CPSF3: variants seen among roughly 807,000 people sequenced by gnomAD.
CPSF3 encodes cleavage and polyadenylation specific factor 3.
In CPSF3, 57 loss-of-function variants were observed where a neutral mutation model predicts 84.1. The ratio of observed to expected loss-of-function variants is 0.68; its 90% CI spans 0.55 to 0.85. The LOEUF is 0.85. Ranked by LOEUF, CPSF3 falls within the 40% of genes least tolerant of loss-of-function variation. CPSF3 has a pLI of 0.00. For missense variants in CPSF3, 522 were observed against 838.8 expected (o/e 0.62, Z 4.66); for synonymous variants, 275 against 278.1 (o/e 0.99, Z 0.11).
intron 14 of CPSF3, 85 bp from the exon 15 acceptor site, chr2:9,459,446 C>G (rs1681646402): frequency 1.2e-6 from 1 of 811,284 alleles, no homozygotes; most frequent in African/African-American, 1.7e-5. Context: ...TATGTACAGT[C>G]CATGGTTTGG....
intron 10 of CPSF3, among the ~76,000 whole-genome samples, chr2:9,444,664 GTT>G (rs1165114643): frequency 2.4e-4 from 7 of 28,926 alleles, no homozygotes; most frequent in African/African-American, 2.4e-3. Flanking sequence ...TTTTTGGTTT[GTT>G]TGTTTGTTTG....
At chr2:9,438,721 T>C (rs188530154) in intron 7 of CPSF3, among the ~76,000 whole-genome samples, 1 of 152,038 alleles carries the variant, frequency 6.6e-6, no homozygotes, top group African/African-American at 2.4e-5. Flanking sequence ...GTCTCGTTAG[T>C]ATATATTCTT....
At chr2:9,466,362 ACGCACACACCCACGCACTCGCACACACG>A (rs1558466614) in intron 15 of CPSF3, among the ~76,000 whole-genome samples, 9 of 144,116 alleles carry the variant, frequency 6.2e-5, no homozygotes, top group Non-Finnish European at 1.1e-4. Flanking sequence ...GCACACACAC[ACGCACACACCCACGCACTCGCACACACG>A]CGCACACACA....
At chr2:9,423,888 A>T in intron 1 of CPSF3, 65 bp downstream of exon 1, 1 of 1,590,518 alleles carries the variant, frequency 6.3e-7, no homozygotes, top group South Asian at 1.1e-5. Flanking sequence ...GTAACCGGAG[A>T]CTGGCCTCCT....
rs768618090 is a variant in CPSF3, at chr2:9,459,618, G to A, written c.1786G>A (p.Gly596Ser). 4.3e-6 allele frequency: 4 copies of A among 938,396 alleles called. No individual in the cohort carries two copies. In the Admixed American group the frequency reaches 7.0e-5, roughly 16 times the overall value. 58.1% of individuals were successfully genotyped at this position (938,396 alleles called of 1,614,324 possible). ...EVQSNPKIRK[G>S]AVQKVSKKLE... ...TCAGTCAAATCCCAAAATAAGAAAA[G>A]GTAAGAGTTCATTTTTATCCTTTTT... Residue 596 changes from glycine to serine, a missense_variant and splice_region_variant, in exon 15 of 18, where the codon GGT becomes AGT. Physicochemically the swap from Gly to Ser is moderately conservative, Grantham distance 56. Around this residue, in one of 2 missense-constraint regions of CPSF3, gnomAD observed 193 missense variants for 231.6 expected, o/e 0.83. Transcript: ENST00000238112.
chr2:9,437,237 C>G (rs1680815531), intron 7 of CPSF3, among the ~76,000 whole-genome samples: 1 of 152,054 alleles, frequency 6.6e-6, no homozygotes, highest in Non-Finnish European at 1.5e-5. Flanking sequence ...AACCTCGTCT[C>G]TACCAAAAAT....
chr2:9,447,822 A>C (rs60057944), intron 10 of CPSF3, among the ~76,000 whole-genome samples: 12,242 of 152,184 alleles, frequency 0.08, 1,633 homozygotes, highest in African/African-American at 0.28. Flanking sequence ...CTAAGACAGT[A>C]GGGTAGCAAT....
At chr2:9,457,341 C>T (rs1190401190) in intron 14 of CPSF3, among the ~76,000 whole-genome samples, 2 of 151,906 alleles carry the variant, frequency 1.3e-5, no homozygotes. Context: ...TGTGGTACTC[C>T]AGGATGTCTT....
chr2:9,444,333 G>A (rs1681057939), intron 10 of CPSF3, among the ~76,000 whole-genome samples: 1 of 151,468 alleles, frequency 6.6e-6, no homozygotes, highest in Non-Finnish European at 1.5e-5. Context: ...TCACCGTCTT[G>A]GCCGGGCTGG....
At chr2:9,468,029 T>C (rs1224392591) in intron 16 of CPSF3, 1 of 372,652 alleles carries the variant, frequency 2.7e-6, no homozygotes, top group African/African-American at 2.1e-5. Flanking sequence ...GGCACAGGGC[T>C]GGCACAGTTA....
intron 3 of CPSF3, among the ~76,000 whole-genome samples, chr2:9,430,374 C>T (rs920782604): frequency 6.6e-6 from 1 of 152,280 alleles, no homozygotes; most frequent in South Asian, 2.1e-4. Context: ...TTTATTGAAA[C>T]TATTTTTAAA....
At chr2:9,465,559 ACACACG>A (rs1251617631) in intron 15 of CPSF3, among the ~76,000 whole-genome samples, 3 of 136,732 alleles carry the variant, frequency 2.2e-5, no homozygotes, top group African/African-American at 5.0e-5. Context: ...ACACACACAC[ACACACG>A]CGCGCGCGTT....
At chr2:9,457,147 A>ATGTG (rs70948817) in intron 14 of CPSF3, 120 bp downstream of exon 14, 24,469 of 332,876 alleles carry the variant, frequency 0.074, 1,047 homozygotes, top group African/African-American at 0.15. Flanking sequence ...TGGAAAGTAT[A>ATGTG]TGTGTGTGTG....
At position 9,423,707 on chromosome 2, in the gene CPSF3, G is replaced by A. The variant is rs1006499900; in HGVS notation, c.-67G>A. ...CTTCCTTTTTTATTTACCGGTGGCTGTGCTTCCAATTTAGGAAGACCCCGG... is the reference window on the plus strand; with the variant it reads ...CTTCCTTTTTTATTTACCGGTGGCTATGCTTCCAATTTAGGAAGACCCCGG... On this transcript the variant is annotated 5_prime_UTR_variant, in exon 1 of 18. It adds an upstream start codon to the 5' untranslated region. Coordinates refer to ENST00000238112, the MANE Select transcript of CPSF3 (RefSeq NM_016207.4). The A allele has an allele frequency of 4.1e-5, 65 of 1,584,150 alleles. 1 individual carries two copies. The South Asian group carries it at 6.6e-4, about 16-fold the overall frequency.
intron 14 of CPSF3, 85 bp from the exon 15 acceptor site, chr2:9,459,446 C>A: frequency 2.5e-6 from 2 of 811,404 alleles, no homozygotes; most frequent in Non-Finnish European, 4.4e-6. Context: ...TATGTACAGT[C>A]CATGGTTTGG....
intron 14 of CPSF3, among the ~76,000 whole-genome samples, chr2:9,457,423 A>G (rs185322535): frequency 5.3e-4 from 80 of 152,292 alleles, no homozygotes; most frequent in Non-Finnish European, 2.2e-4. Context: ...AAACTTAGGT[A>G]CCACTCGTTA....
chr2:9,440,797 C>A, intron 8 of CPSF3, 131 bp downstream of exon 8: 3 of 842,902 alleles, frequency 3.6e-6, no homozygotes, highest in Non-Finnish European at 5.5e-6. Flanking sequence ...AGGAGGATCA[C>A]TAGAACTCAG....
At chr2:9,445,516 G>C (rs1007523610) in intron 10 of CPSF3, among the ~76,000 whole-genome samples, 4 of 152,186 alleles carry the variant, frequency 2.6e-5, no homozygotes, top group Non-Finnish European at 5.9e-5. Context: ...AGGCCTCACA[G>C]GTATTTGCCA....
At chr2:9,444,730 A>G (rs922996026) in intron 10 of CPSF3, among the ~76,000 whole-genome samples, 3 of 151,956 alleles carry the variant, frequency 2.0e-5, no homozygotes, top group Non-Finnish European at 2.9e-5. Context: ...AGTGGCGCCA[A>G]TCTCAGCTCA....
Sources: allele counts gnomAD v4.1 joint callset (sites outside exome capture counted in the v4.1 genomes callset), GRCh38; gene constraint gnomAD v4.1.1; regional missense constraint gnomAD v4.1.1; transcripts MANE v1.5; gene names NCBI Gene and HGNC (gene_info 2026-07-23, HGNC 2026-07-21).